Variants in CCDC102B observed in about 807,000 individuals in gnomAD.
The protein encoded by CCDC102B is coiled-coil domain containing 102B, also known as coiled-coil domain-containing protein 102B.
Under a neutral mutation model 57.4 loss-of-function variants are expected in CCDC102B, and 75 were observed. That is an observed-to-expected ratio of 1.31 (90% confidence interval 1.08 to 1.58). The LOEUF (loss-of-function observed/expected upper bound fraction) is 1.58. Ranked by LOEUF, CCDC102B falls within the 40% of genes most tolerant of loss-of-function variation. The pLI, the probability that CCDC102B is intolerant of heterozygous loss-of-function variation, is 0.00. For synonymous variants in CCDC102B, 206 were observed against 201.9 expected, an observed-to-expected ratio of 1.02 and a Z score of -0.17; for missense variants, 636 against 582.6, an observed-to-expected ratio of 1.09 and a Z score of -0.94.
chr18:68,737,409 C>T (rs1286322068), intron 2 of CCDC102B, among the ~76,000 whole-genome samples: 3 of 150,982 alleles, frequency 2.0e-5, no homozygotes, highest in Non-Finnish European at 4.4e-5. Flanking sequence ...CTCCCTTCTC[C>T]ACCAGCGTTA....
At chr18:68,985,526 T>A (rs1165748344) in intron 6 of CCDC102B, among the ~76,000 whole-genome samples, 1 of 152,092 alleles carries the variant, frequency 6.6e-6, no homozygotes, top group Non-Finnish European at 1.5e-5. Context: ...AGATTGGTAA[T>A]GGTAGGAAGG....
chr18:69,014,028 T>C (rs1387428398), intron 7 of CCDC102B, among the ~76,000 whole-genome samples: 1 of 152,170 alleles, frequency 6.6e-6, no homozygotes, highest in Admixed American at 6.5e-5. Flanking sequence ...AGAATATGAT[T>C]GTGACTCTAC....
At chr18:69,010,549 G>A (rs1226399418) in intron 6 of CCDC102B, among the ~76,000 whole-genome samples, 2 of 152,128 alleles carry the variant, frequency 1.3e-5, no homozygotes, top group Non-Finnish European at 2.9e-5. Context: ...ATTAAATCAT[G>A]TAGTGTGCTA....
intron 2 of CCDC102B, among the ~76,000 whole-genome samples, chr18:68,744,483 T>C (rs2033534572): frequency 6.6e-6 from 1 of 152,182 alleles, no homozygotes; most frequent in South Asian, 2.1e-4. Context: ...TCCTAACTGC[T>C]AGGGCTAGGT....
At chr18:69,042,404 A>G (rs1242683962) in intron 7 of CCDC102B, among the ~76,000 whole-genome samples, 1 of 152,076 alleles carries the variant, frequency 6.6e-6, no homozygotes, top group Non-Finnish European at 1.5e-5. Flanking sequence ...AGATTTGGCA[A>G]CAATATTTCC....
At chr18:68,802,553 A>C (rs73456196) in intron 1 of CCDC102B, among the ~76,000 whole-genome samples, 4,716 of 152,240 alleles carry the variant, frequency 0.031, 233 homozygotes, top group African/African-American at 0.11. Context: ...GTATTCATGG[A>C]TTAGAACTAG....
At chr18:68,841,888 C>T (rs1026397606) in intron 3 of CCDC102B, among the ~76,000 whole-genome samples, 4 of 151,988 alleles carry the variant, frequency 2.6e-5, no homozygotes, top group Non-Finnish European at 5.9e-5. Context: ...TGTGCCACCA[C>T]GCCTGGCTAA....
intron 2 of CCDC102B, among the ~76,000 whole-genome samples, chr18:68,739,732 T>G (rs2033303418): frequency 6.6e-6 from 1 of 152,202 alleles, no homozygotes; most frequent in Non-Finnish European, 1.5e-5. Context: ...GCAGATGACA[T>G]GCCTTCTTCC....
chr18:68,890,197 A>G (rs1001209996), intron 5 of CCDC102B, among the ~76,000 whole-genome samples: 1 of 152,100 alleles, frequency 6.6e-6, no homozygotes, highest in East Asian at 1.9e-4. Context: ...CACACAGTTT[A>G]ATGCACGGAT....
At chr18:68,851,356 A>G (rs1345831733) in intron 4 of CCDC102B, among the ~76,000 whole-genome samples, 2 of 152,196 alleles carry the variant, frequency 1.3e-5, no homozygotes, top group African/African-American at 4.8e-5. Flanking sequence ...CATGACATAA[A>G]TTAGCTTATC....
chr18:68,777,924 C>A (rs914827048), intron 2 of CCDC102B, among the ~76,000 whole-genome samples: 10 of 152,012 alleles, frequency 6.6e-5, no homozygotes, highest in Non-Finnish European at 1.0e-4. Context: ...GGAAGATTCC[C>A]ATTACTTGCT....
At chr18:68,998,993 T>TAG (rs1271177747) in intron 6 of CCDC102B, among the ~76,000 whole-genome samples, 3 of 54,614 alleles carry the variant, frequency 5.5e-5, no homozygotes, top group African/African-American at 2.0e-4. Flanking sequence ...TATATATATA[T>TAG]ATATATAGAG....
chr18:68,773,841 CAAT>C (rs976071674), intron 2 of CCDC102B, among the ~76,000 whole-genome samples: 10 of 151,930 alleles, frequency 6.6e-5, no homozygotes, highest in African/African-American at 2.2e-4. Context: ...ACAATGAAAA[CAAT>C]AATAACACCA....
chr18:68,947,029 A>G lies in CCDC102B; in HGVS notation c.1263+49601A>G, dbSNP rs182931408. The stretch of plus-strand genomic sequence containing the variant: ...TCACATATGATTTGTTTCACAGGAT[A>G]AAAATCACAGCGTTATATAGTCACA... On this transcript the variant is annotated intron_variant, in intron 6 of 7. Coordinates refer to ENST00000360242, the MANE Select transcript of CCDC102B (RefSeq NM_024781.3). Among the ~76,000 whole-genome samples the G allele has an allele frequency of 2.0e-5, 3 of 152,152 alleles. No homozygotes were observed. In the East Asian group the frequency reaches 5.8e-4, roughly 29 times the overall value.
At chr18:69,017,281 A>G (rs550817682) in intron 7 of CCDC102B, among the ~76,000 whole-genome samples, 3 of 151,044 alleles carry the variant, frequency 2.0e-5, no homozygotes, top group African/African-American at 7.3e-5. Flanking sequence ...ATGCCTGGCT[A>G]TTTTTTTTGT....
chr18:68,956,304 T>C (rs1438232877), intron 6 of CCDC102B, among the ~76,000 whole-genome samples: 1 of 112,140 alleles, frequency 8.9e-6, no homozygotes, highest in Non-Finnish European at 1.7e-5. Flanking sequence ...ATATGCTGAT[T>C]TTCTTTATAG....
chr18:68,824,418 A>G (rs1365279925), intron 1 of CCDC102B, among the ~76,000 whole-genome samples: 1 of 152,198 alleles, frequency 6.6e-6, no homozygotes, highest in Non-Finnish European at 1.5e-5. Context: ...CAAAGTCTTT[A>G]GGGTTTTCTA....
At chr18:68,960,446 C>T (rs915205287) in intron 6 of CCDC102B, among the ~76,000 whole-genome samples, 3 of 152,020 alleles carry the variant, frequency 2.0e-5, no homozygotes, top group African/African-American at 4.8e-5. Context: ...GGAGTGTCTC[C>T]CAGAGATGTT....
intron 6 of CCDC102B, among the ~76,000 whole-genome samples, chr18:68,996,901 C>T (rs1464504909): frequency 6.6e-6 from 1 of 152,074 alleles, no homozygotes; most frequent in Admixed American, 6.5e-5. Flanking sequence ...TTGTCCCCAC[C>T]CAAATCTCAT....
Sources: allele counts gnomAD v4.1 joint callset (sites outside exome capture counted in the v4.1 genomes callset), GRCh38; gene constraint gnomAD v4.1.1; transcripts MANE v1.5; gene names NCBI Gene and HGNC (gene_info 2026-07-23, HGNC 2026-07-21).